Variants in BCO1 observed in about 807,000 individuals in gnomAD.
BCO1 encodes beta,beta-carotene 15,15'-dioxygenase.
A neutral mutation model predicts 56.3 loss-of-function variants in BCO1; 54 were observed. The observed-to-expected ratio is 0.96, with a 90% confidence interval of 0.77 to 1.20. BCO1 has a LOEUF of 1.20. BCO1 is among the 50% of genes most tolerant of loss of function. The pLI is 0.00. For synonymous variants in BCO1, 318 were observed against 266.1 expected, an observed-to-expected ratio of 1.20 and a Z score of -1.90; for missense variants, 801 against 690.9, an observed-to-expected ratio of 1.16 and a Z score of -1.79.
In BCO1 at chr16:81,265,812, G is replaced by C. The variant is rs150532141; in HGVS notation, c.619+1025G>C. 4.1e-3 allele frequency among the ~76,000 whole-genome samples: 378 copies of C among 92,314 alleles called. 1 individual carries two copies. The highest frequency in any genetic ancestry group is 0.017 in the African/African-American group (368 of 21,760). 60.6% of individuals were successfully genotyped at this position (92,314 alleles called of 152,430 possible). On this transcript the variant is annotated intron_variant, in intron 5 of 10. Transcript: ENST00000258168. ...CATCCATCCATTGAGCCACCCACCT[G>C]CCCATCCATCCATCATTCATCCATC...
intron 2 of BCO1, among the ~76,000 whole-genome samples, chr16:81,250,698 G>C (rs748493437): frequency 2.0e-5 from 3 of 149,276 alleles, no homozygotes; most frequent in Admixed American, 6.8e-5. Context: ...CTCGTGCCTC[G>C]GCCTCTGGAG....
chr16:81,255,641 G>A (rs1001697266), intron 2 of BCO1, among the ~76,000 whole-genome samples: 1 of 151,296 alleles, frequency 6.6e-6, no homozygotes, highest in Middle Eastern at 3.2e-3. Flanking sequence ...CTGGTAGCTG[G>A]GACTACAGGT....
chr16:81,266,653 T>A (rs1906846140), intron 5 of BCO1, among the ~76,000 whole-genome samples: 1 of 152,150 alleles, frequency 6.6e-6, no homozygotes, highest in Non-Finnish European at 1.5e-5. Flanking sequence ...TCTAGGCATT[T>A]GAGTTTGCCA....
intron 8 of BCO1, among the ~76,000 whole-genome samples, chr16:81,282,516 C>T (rs1335390152): frequency 2.0e-5 from 3 of 152,110 alleles, no homozygotes; most frequent in Non-Finnish European, 4.4e-5. Context: ...TTGGATTTGA[C>T]CTAAGAATCC....
intron 2 of BCO1, among the ~76,000 whole-genome samples, chr16:81,259,182 G>T (rs1205087181): frequency 1.3e-5 from 2 of 152,118 alleles, no homozygotes; most frequent in African/African-American, 4.8e-5. Context: ...AGTCAGGAGT[G>T]AGAAAATGTG....
chr16:81,241,503 G>T (rs1905106782), intron 1 of BCO1, among the ~76,000 whole-genome samples: 1 of 152,228 alleles, frequency 6.6e-6, no homozygotes, highest in African/African-American at 2.4e-5. Context: ...CCCCGGACCT[G>T]CAGCATAAGC....
At chr16:81,279,897 A>G (rs1488182143) in intron 7 of BCO1, among the ~76,000 whole-genome samples, 1 of 152,198 alleles carries the variant, frequency 6.6e-6, no homozygotes, top group African/African-American at 2.4e-5. Flanking sequence ...GAAAATACTG[A>G]AAATACAGAG....
intron 2 of BCO1, among the ~76,000 whole-genome samples, chr16:81,257,971 C>A (rs1054191674): frequency 1.3e-5 from 2 of 151,790 alleles, no homozygotes; most frequent in African/African-American, 4.8e-5. Context: ...GGGATGGGCC[C>A]AGTGTAATCT....
At chr16:81,269,302 T>TTC in intron 6 of BCO1, among the ~76,000 whole-genome samples, 1 of 117,756 alleles carries the variant, frequency 8.5e-6, no homozygotes, top group African/African-American at 4.3e-5. Flanking sequence ...TTAGTTTTTC[T>TTC]TTTTTTTTTT....
At chr16:81,280,799 A>G in intron 7 of BCO1, 58 bp from the exon 8 acceptor site, 1 of 1,274,890 alleles carries the variant, frequency 7.8e-7, no homozygotes, top group Non-Finnish European at 1.1e-6. Context: ...CACTAAAGCA[A>G]ATGTTTGCTC....
At chr16:81,286,496 G>A (rs1908187242) in intron 9 of BCO1, among the ~76,000 whole-genome samples, 1 of 152,086 alleles carries the variant, frequency 6.6e-6, no homozygotes, top group African/African-American at 2.4e-5. Flanking sequence ...TTAAATGTTT[G>A]CATTGAATAT....
intron 1 of BCO1, among the ~76,000 whole-genome samples, chr16:81,244,853 G>A (rs758455452): frequency 1.1e-4 from 16 of 151,700 alleles, no homozygotes; most frequent in Non-Finnish European, 1.9e-4. Context: ...CCAAGCAGCT[G>A]GGACTACAGG....
At chr16:81,271,443 C>T (rs928076464) in intron 7 of BCO1, among the ~76,000 whole-genome samples, 1 of 152,128 alleles carries the variant, frequency 6.6e-6, no homozygotes, top group Non-Finnish European at 1.5e-5. Flanking sequence ...TGTTTGACAG[C>T]CTTTGGTATG....
At chr16:81,241,706 G>A (rs1337569845) in intron 1 of BCO1, among the ~76,000 whole-genome samples, 1 of 152,186 alleles carries the variant, frequency 6.6e-6, no homozygotes, top group African/African-American at 2.4e-5. Context: ...GCAGTGACTT[G>A]CCAAGGCCAG....
chr16:81,264,385 A>G (rs1404125333), intron 4 of BCO1, among the ~76,000 whole-genome samples: 2 of 152,156 alleles, frequency 1.3e-5, no homozygotes, highest in African/African-American at 2.4e-5. Flanking sequence ...CCTGCAACCT[A>G]TTAGCTGTCT....
At chr16:81,266,246 A>G (rs1386382102) in intron 5 of BCO1, among the ~76,000 whole-genome samples, 1 of 152,104 alleles carries the variant, frequency 6.6e-6, no homozygotes. Context: ...CTTGGAGCAA[A>G]GCCCAGGCTG....
chr16:81,251,852 GCACACACACACACA>G (rs747747653), intron 2 of BCO1, among the ~76,000 whole-genome samples: 2 of 140,866 alleles, frequency 1.4e-5, no homozygotes. Flanking sequence ...ACACACACAC[GCACACACACACACA>G]CACATATATG....
chr16:81,267,737 C>T (rs555539088), intron 5 of BCO1, among the ~76,000 whole-genome samples, 171 bp from the exon 6 acceptor site: 1 of 152,280 alleles, frequency 6.6e-6, no homozygotes, highest in East Asian at 1.9e-4. Flanking sequence ...TGGAAGGTCT[C>T]AGCCTGGCCC....
chr16:81,241,580 T>A (rs1277819486), intron 1 of BCO1, among the ~76,000 whole-genome samples: 1 of 152,036 alleles, frequency 6.6e-6, no homozygotes, highest in Non-Finnish European at 1.5e-5. Flanking sequence ...GTCAGACACT[T>A]GGGGGGTGGA....
Sources: allele counts gnomAD v4.1 joint callset (sites outside exome capture counted in the v4.1 genomes callset), GRCh38; gene constraint gnomAD v4.1.1; transcripts MANE v1.5; gene names NCBI Gene and HGNC (gene_info 2026-07-23, HGNC 2026-07-21).